ADAMTSL1: variants seen among roughly 807,000 people sequenced by gnomAD.
The protein encoded by ADAMTSL1 is ADAMTS-like protein 1.
Under a neutral mutation model 201.8 loss-of-function variants are expected in ADAMTSL1, and 126 were observed. The ratio of observed to expected loss-of-function variants is 0.62; its 90% confidence interval spans 0.54 to 0.72. The LOEUF (loss-of-function observed/expected upper bound fraction) is 0.72. Ranked by LOEUF, ADAMTSL1 falls within the 30% of genes least tolerant of loss-of-function variation. ADAMTSL1 has a pLI of 0.00. For missense variants in ADAMTSL1, 2,679 were observed against 2,277.8 expected, an observed-to-expected ratio of 1.18 and a Z score of -3.59; for synonymous variants, 1,121 against 903.4, an observed-to-expected ratio of 1.24 and a Z score of -4.32.
chr9:18,308,274 A>G (rs754577582), intron 2 of ADAMTSL1, among the ~76,000 whole-genome samples: 10 of 152,280 alleles, frequency 6.6e-5, no homozygotes, highest in Non-Finnish European at 1.0e-4. Flanking sequence ...TAATATCACA[A>G]TTAAAAGAGC....
At chr9:18,658,022 T>A (rs1443522239) in intron 8 of ADAMTSL1, among the ~76,000 whole-genome samples, 1 of 147,882 alleles carries the variant, frequency 6.8e-6, no homozygotes, top group East Asian at 2.0e-4. Flanking sequence ...TCGCCCAGGC[T>A]GGAGTGCAGT....
rs566928823 is a variant in ADAMTSL1 at position 18,166,311 on chromosome 9, G to A, written c.207+2330G>A. ...AATCACAAATGAATAGAGAATAGTCGTGGTGAGAAAACCCACCATGCCTAT... is the reference window on the plus strand; with the variant it reads ...AATCACAAATGAATAGAGAATAGTCATGGTGAGAAAACCCACCATGCCTAT... On this transcript the variant is annotated intron_variant, in intron 2 of 29. Coordinates refer to the ADAMTSL1 transcript ENST00000680146. Among the ~76,000 whole-genome samples, 14 of 151,900 alleles carry A rather than the reference G, an allele frequency of 9.2e-5. No individual in the cohort carries two copies. In the South Asian group the frequency reaches 2.9e-3, roughly 32 times the overall value.
intron 1 of ADAMTSL1, among the ~76,000 whole-genome samples, chr9:18,022,957 T>G (rs2131586731): frequency 6.6e-6 from 1 of 152,234 alleles, no homozygotes; most frequent in East Asian, 1.9e-4. Flanking sequence ...TTGCTGGGTT[T>G]CTTTTCTCTT....
At chr9:18,430,242 A>C (rs1226861734) in intron 2 of ADAMTSL1, among the ~76,000 whole-genome samples, 3 of 152,184 alleles carry the variant, frequency 2.0e-5, no homozygotes, top group African/African-American at 7.2e-5. Context: ...TTTCTAGACA[A>C]CATTTTGAAC....
At chr9:18,157,937 A>T (rs1180912167) in intron 1 of ADAMTSL1, among the ~76,000 whole-genome samples, 2 of 152,046 alleles carry the variant, frequency 1.3e-5, no homozygotes, top group African/African-American at 2.4e-5. Flanking sequence ...ATAGAGCAGT[A>T]TGTATGCATA....
intron 1 of ADAMTSL1, among the ~76,000 whole-genome samples, chr9:17,932,825 T>C (rs1014990460): frequency 7.2e-5 from 11 of 152,194 alleles, no homozygotes; most frequent in African/African-American, 2.7e-4. Context: ...TGCAAGCACT[T>C]TGGAATTTCT....
chr9:18,705,901 G>C (rs982541573), intron 13 of ADAMTSL1, among the ~76,000 whole-genome samples: 4 of 152,198 alleles, frequency 2.6e-5, no homozygotes, highest in African/African-American at 9.7e-5. Flanking sequence ...ACAAGTGATG[G>C]AGTCACAGGG....
At chr9:18,681,709 G>GGGC (rs1830499534) in intron 11 of ADAMTSL1, 103 bp from the exon 12 acceptor site, 2 of 739,136 alleles carry the variant, frequency 2.7e-6, no homozygotes, top group Non-Finnish European at 3.7e-6. Flanking sequence ...GGGGGGGGGG[G>GGGC]CGGGGAAAAA....
intron 13 of ADAMTSL1, among the ~76,000 whole-genome samples, chr9:18,692,144 C>A (rs890030176): frequency 1.3e-5 from 2 of 152,100 alleles, no homozygotes; most frequent in South Asian, 2.1e-4. Flanking sequence ...CTTATAAGCA[C>A]CATACTTTTA....
intron 2 of ADAMTSL1, among the ~76,000 whole-genome samples, chr9:18,190,749 C>A (rs1179707488): frequency 6.6e-6 from 1 of 152,148 alleles, no homozygotes; most frequent in East Asian, 1.9e-4. Context: ...TGCTCCCGTC[C>A]ATTTGATAAC....
At chr9:18,103,857 C>G (rs545064657) in intron 1 of ADAMTSL1, among the ~76,000 whole-genome samples, 50 of 152,262 alleles carry the variant, frequency 3.3e-4, no homozygotes, top group African/African-American at 1.1e-3. Flanking sequence ...CATAGGTGGT[C>G]TATAAATAAG....
chr9:18,303,955 G>A (rs1001010952), intron 2 of ADAMTSL1, among the ~76,000 whole-genome samples: 1 of 152,006 alleles, frequency 6.6e-6, no homozygotes, highest in Non-Finnish European at 1.5e-5. Flanking sequence ...CAGTAGGGAG[G>A]TGACAGCTCC....
intron 1 of ADAMTSL1, among the ~76,000 whole-genome samples, chr9:18,014,726 G>T (rs1317823262): frequency 2.0e-5 from 3 of 152,048 alleles, no homozygotes; most frequent in South Asian, 2.1e-4. Context: ...GGAATTGCAG[G>T]GAGGCCAAGG....
chr9:18,223,307 A>G (rs567019126), intron 2 of ADAMTSL1, among the ~76,000 whole-genome samples: 2 of 152,256 alleles, frequency 1.3e-5, no homozygotes, highest in Middle Eastern at 3.4e-3. Context: ...ATTAAGAATA[A>G]TGCAATTATT....
At chr9:18,256,645 G>T (rs1254009347) in intron 2 of ADAMTSL1, among the ~76,000 whole-genome samples, 1 of 152,188 alleles carries the variant, frequency 6.6e-6, no homozygotes, top group Non-Finnish European at 1.5e-5. Context: ...GTAGGAGAGG[G>T]ACAGAGAGGC....
At chr9:18,074,703 GC>G (rs1225543442) in intron 1 of ADAMTSL1, among the ~76,000 whole-genome samples, 2 of 151,876 alleles carry the variant, frequency 1.3e-5, no homozygotes, top group Non-Finnish European at 2.9e-5. Flanking sequence ...TGATTCTCCT[GC>G]CTCAGCCTCC....
chr9:18,756,076 AATAT>A (rs55717414), intron 16 of ADAMTSL1, among the ~76,000 whole-genome samples: 858 of 80,474 alleles, frequency 0.011, 16 homozygotes, highest in East Asian at 0.022. Context: ...CTCTACTGAA[AATAT>A]ATATATATAT....
intron 1 of ADAMTSL1, among the ~76,000 whole-genome samples, chr9:18,501,705 GA>G (rs1338869291): frequency 6.6e-6 from 1 of 152,116 alleles, no homozygotes; most frequent in African/African-American, 2.4e-5. Flanking sequence ...TTAAAAAGCA[GA>G]AAAATCACTT....
chr9:18,365,987 G>A (rs1008289925), intron 2 of ADAMTSL1, among the ~76,000 whole-genome samples: 8 of 152,098 alleles, frequency 5.3e-5, no homozygotes, highest in Admixed American at 2.0e-4. Flanking sequence ...CAAACCTCTC[G>A]CCTGCCCTGT....
Sources: allele counts gnomAD v4.1 joint callset (sites outside exome capture counted in the v4.1 genomes callset), GRCh38; gene constraint gnomAD v4.1.1; transcripts MANE v1.5; gene names NCBI Gene and HGNC (gene_info 2026-07-23, HGNC 2026-07-21).